The following PDE10A variants were observed in gnomAD, a reference collection of about 807,000 sequenced individuals.
The protein encoded by PDE10A is phosphodiesterase 10A, also known as cAMP and cAMP-inhibited cGMP 3',5'-cyclic phosphodiesterase 10A.
Under a neutral mutation model 97.7 loss-of-function variants are expected in PDE10A, and 39 were observed. That is an observed-to-expected ratio of 0.40 (90% CI 0.31 to 0.52). The LOEUF (loss-of-function observed/expected upper bound fraction) is 0.52, where lower values mean the gene tolerates loss of function less well. Among genes scored for constraint, PDE10A ranks in the 20% least tolerant of loss-of-function variants. The pLI, the probability that PDE10A is intolerant of heterozygous loss-of-function variation, is 0.56. For missense variants in PDE10A, 731 were observed against 1,047.8 expected (o/e 0.70, Z 4.17); for synonymous variants, 371 against 376.8 (o/e 0.98, Z 0.18).
chr6:165,637,143 T>C (rs1165446031), intron 1 of PDE10A, among the ~76,000 whole-genome samples: 1 of 152,218 alleles, frequency 6.6e-6, no homozygotes, highest in Non-Finnish European at 1.5e-5. Flanking sequence ...AGGATAGTTA[T>C]GCAATAAACT....
At chr6:165,484,320 G>A (rs552609162) in intron 2 of PDE10A, among the ~76,000 whole-genome samples, 4 of 152,332 alleles carry the variant, frequency 2.6e-5, no homozygotes, top group Admixed American at 6.5e-5. Flanking sequence ...GCAGGAGGCC[G>A]GAACTGGGCC....
rs964491573 is a variant in PDE10A, at chr6:165,655,880, T to A, written c.865+6067A>T. 7.2e-5 allele frequency among the ~76,000 whole-genome samples: 11 copies of A among 152,058 alleles called. No homozygotes were observed. Among genetic ancestry groups the A allele is most frequent in the African/African-American group, 2.7e-4 (11 of 41,422 alleles). ...ACGGCCGTCACCCCGCTCCTCTGCCTTGTGAGCCCCCTCTGCCTAGGGTGC... is the reference window on the plus strand; with the variant it reads ...ACGGCCGTCACCCCGCTCCTCTGCCATGTGAGCCCCCTCTGCCTAGGGTGC... On this transcript the variant is annotated intron_variant, in intron 1 of 21. Transcript: ENST00000539869. The surrounding 1 kb of genome is among the most constrained non-coding windows in gnomAD (Gnocchi z 4.5).
intron 1 of PDE10A, among the ~76,000 whole-genome samples, chr6:165,788,381 G>A (rs1778551401): frequency 6.6e-6 from 1 of 151,742 alleles, no homozygotes; most frequent in Admixed American, 6.6e-5. Flanking sequence ...GCTGGGCATG[G>A]TGGTGAGCAC....
intron 1 of PDE10A, among the ~76,000 whole-genome samples, chr6:165,808,037 G>A (rs1343473000): frequency 6.6e-6 from 1 of 152,140 alleles, no homozygotes; most frequent in Non-Finnish European, 1.5e-5. Flanking sequence ...AGGCACGGGG[G>A]TCTTGCGGTG....
intron 1 of PDE10A, among the ~76,000 whole-genome samples, chr6:165,853,052 G>A (rs1278920807): frequency 1.3e-5 from 2 of 152,224 alleles, no homozygotes; most frequent in African/African-American, 4.8e-5. Context: ...GGCAGGTGAC[G>A]AAGATTTCTT....
chr6:165,773,947 TC>T (rs1401839255), intron 1 of PDE10A, among the ~76,000 whole-genome samples: 1 of 152,066 alleles, frequency 6.6e-6, no homozygotes, highest in African/African-American at 2.4e-5. Context: ...TTTTTTTTTT[TC>T]TAAAGCTGAG....
chr6:165,841,123 G>A (rs1195001297), intron 1 of PDE10A, among the ~76,000 whole-genome samples: 4 of 152,184 alleles, frequency 2.6e-5, no homozygotes, highest in East Asian at 1.9e-4. Flanking sequence ...TTGAATGGTC[G>A]TCTCTTCAAT....
At chr6:165,800,118 T>C (rs1249215516) in intron 1 of PDE10A, among the ~76,000 whole-genome samples, 1 of 152,212 alleles carries the variant, frequency 6.6e-6, no homozygotes, top group Admixed American at 6.5e-5. Flanking sequence ...AGCAGAGGAT[T>C]TACAGTTTCA....
chr6:165,361,809 C>A (rs1362896297), intron 18 of PDE10A, among the ~76,000 whole-genome samples: 1 of 152,126 alleles, frequency 6.6e-6, no homozygotes, highest in Non-Finnish European at 1.5e-5. Context: ...CCAGAAGGAA[C>A]CAACGTTGCC....
intron 1 of PDE10A, among the ~76,000 whole-genome samples, chr6:165,859,715 C>A (rs1336128625): frequency 6.6e-6 from 1 of 152,180 alleles, no homozygotes; most frequent in Non-Finnish European, 1.5e-5. Flanking sequence ...ATACATATTA[C>A]ATAGTATGTA....
intron 1 of PDE10A, among the ~76,000 whole-genome samples, chr6:165,678,161 G>C (rs796133607): frequency 3.6e-3 from 6 of 1,656 alleles, no homozygotes; most frequent in African/African-American, 0.013. Context: ...GTCTCTCTGT[G>C]TGTATGTATG....
Position 165,597,788 on chromosome 6 carries a change from C to T in PDE10A, c.866-54220G>A, listed in dbSNP as rs373140764. On this transcript the variant is annotated intron_variant, in intron 1 of 21. Transcript: ENST00000539869. ...GAAAAGCCGGATGATACCAGGTTTA[C>T]TCACAGTTTTTGTTGTGTCCTTCAT... is the stretch of plus-strand genomic sequence containing the variant. 3.3e-5 allele frequency among the ~76,000 whole-genome samples: 5 copies of T among 152,340 alleles called. No individual in the cohort carries two copies. The South Asian group carries it at 1.0e-3, about 32-fold the overall frequency.
At chr6:165,679,169 T>C (rs1790906775) in intron 1 of PDE10A, among the ~76,000 whole-genome samples, 1 of 152,198 alleles carries the variant, frequency 6.6e-6, no homozygotes, top group African/African-American at 2.4e-5. Flanking sequence ...CAGGACAGCC[T>C]CATCAGGTAG....
chr6:165,493,208 A>T (rs1443053448), intron 2 of PDE10A, among the ~76,000 whole-genome samples: 1 of 152,210 alleles, frequency 6.6e-6, no homozygotes, highest in Non-Finnish European at 1.5e-5. Context: ...ATGGAAACAC[A>T]TCCCATGCTC....
intron 1 of PDE10A, among the ~76,000 whole-genome samples, chr6:165,754,659 T>C (rs1017638975): frequency 1.3e-5 from 2 of 152,146 alleles, no homozygotes; most frequent in Non-Finnish European, 2.9e-5. Flanking sequence ...AACATGGATT[T>C]TGGATTCAGA....
At chr6:165,634,127 T>C (rs1583685221) in intron 1 of PDE10A, among the ~76,000 whole-genome samples, 1 of 151,892 alleles carries the variant, frequency 6.6e-6, no homozygotes, top group Non-Finnish European at 1.5e-5. Context: ...GCGTCTGGGG[T>C]AGGGCCCAGG....
chr6:165,634,670 G>C (rs1224815446), intron 1 of PDE10A, among the ~76,000 whole-genome samples: 1 of 152,182 alleles, frequency 6.6e-6, no homozygotes, highest in African/African-American at 2.4e-5. Flanking sequence ...ACAGGCTACG[G>C]AGAAGCCATA....
intron 2 of PDE10A, among the ~76,000 whole-genome samples, chr6:165,499,895 A>C (rs1339121846): frequency 6.6e-6 from 1 of 152,182 alleles, no homozygotes; most frequent in Non-Finnish European, 1.5e-5. Flanking sequence ...GTCAATGTTC[A>C]TTCAGGATAA....
At chr6:165,730,473 C>G (rs1220951155) in intron 1 of PDE10A, among the ~76,000 whole-genome samples, 1 of 152,148 alleles carries the variant, frequency 6.6e-6, no homozygotes, top group Non-Finnish European at 1.5e-5. Context: ...ATGACAAGGC[C>G]GGGAGAGGTG....
Sources: gnomAD v4.1 joint callset for allele counts (sites outside exome capture counted in the v4.1 genomes callset) on GRCh38, gnomAD v4.1.1 for gene constraint, Gnocchi (gnomAD v3.1) non-coding constraint, MANE v1.5 for transcripts, NCBI Gene and HGNC (gene_info 2026-07-23, HGNC 2026-07-21) for gene names.